Variants in RASSF4 observed in about 807,000 individuals in gnomAD.
RASSF4 encodes the protein ras association domain-containing protein 4.
Under a neutral mutation model 41.1 loss-of-function variants are expected in RASSF4, and 38 were observed. That is an observed-to-expected ratio of 0.92 (90% confidence interval 0.71 to 1.21). The LOEUF (loss-of-function observed/expected upper bound fraction) is 1.21, where lower values mean the gene tolerates loss of function less well. RASSF4 is among the 50% of genes most tolerant of loss of function. The pLI, the probability that RASSF4 is intolerant of heterozygous loss-of-function variation, is 0.00. For missense variants in RASSF4, 414 were observed against 419.4 expected, an observed-to-expected ratio of 0.99 and a Z score of 0.11; for synonymous variants, 179 against 163.4, an observed-to-expected ratio of 1.10 and a Z score of -0.73.
intron 3 of RASSF4, chr10:44,978,282 G>A: frequency 6.2e-6 from 3 of 484,578 alleles, no homozygotes; most frequent in Middle Eastern, 5.3e-4. Flanking sequence ...AATGTGCACA[G>A]ATAAGAGAAC....
At chr10:44,977,192 A>T (rs916974894) in intron 3 of RASSF4, 10 of 620,478 alleles carry the variant, frequency 1.6e-5, no homozygotes, top group Non-Finnish European at 2.4e-5. Context: ...AGCGAACGGG[A>T]TTGGTAACAT....
At chr10:44,965,544 T>C (rs1408245636) in intron 1 of RASSF4, among the ~76,000 whole-genome samples, 1 of 152,246 alleles carries the variant, frequency 6.6e-6, no homozygotes, top group Non-Finnish European at 1.5e-5. Context: ...GCCATGAAGC[T>C]AATGAGTGCT....
intron 8 of RASSF4, 62 bp from the exon 9 acceptor site, chr10:44,990,886 T>G: frequency 6.4e-7 from 1 of 1,562,124 alleles, no homozygotes; most frequent in Non-Finnish European, 8.7e-7. Flanking sequence ...CAGTTCCTAA[T>G]CTGGAACAGA....
chr10:44,984,243 C>A lies in RASSF4; in HGVS notation c.373+130C>A, dbSNP rs1307676502. ...CCAACGAGGGGCTTCACCTGCTGGA[C>A]CCCTACCCAGGTGCCTGCCTGTGAG... On this transcript the variant is annotated intron_variant, in intron 5 of 10. Coordinates refer to ENST00000340258, the MANE Select transcript of RASSF4 (RefSeq NM_032023.4). 1.9e-5 allele frequency: 17 copies of A among 889,746 alleles called. No individual in the cohort carries two copies. In the Admixed American group the frequency reaches 2.3e-4, roughly 12 times the overall value. 55.1% of individuals were successfully genotyped at this position (889,746 alleles called of 1,614,324 possible). A position where few individuals can be genotyped will look rare whatever the true frequency, so the allele number is the denominator to read the frequency against.
At chr10:44,987,485 G>A (rs895836832) in intron 6 of RASSF4, among the ~76,000 whole-genome samples, 8 of 151,984 alleles carry the variant, frequency 5.3e-5, no homozygotes, top group Non-Finnish European at 1.0e-4. Flanking sequence ...AACTAGAATC[G>A]AGCTGGGGGA....
intron 1 of RASSF4, among the ~76,000 whole-genome samples, chr10:44,966,771 C>T (rs1888983): frequency 0.56 from 85,312 of 151,914 alleles, 26,509 homozygotes; most frequent in Non-Finnish European, 0.7. Flanking sequence ...TCCAGCACCA[C>T]GTTGGTTTCA....
chr10:44,970,776 C>T (rs1841120513), intron 2 of RASSF4: 1 of 153,984 alleles, frequency 6.5e-6, no homozygotes, highest in Admixed American at 6.4e-5. Flanking sequence ...CCAGGGAGGC[C>T]TCAAGGAGCC....
chr10:44,986,178 CA>C (rs1564465674), intron 6 of RASSF4, among the ~76,000 whole-genome samples: 3 of 151,668 alleles, frequency 2.0e-5, no homozygotes, highest in African/African-American at 7.3e-5. Context: ...TGTTCCTTAC[CA>C]AAAAAAGGGT....
chr10:44,964,433 T>C (rs776095582), intron 1 of RASSF4, among the ~76,000 whole-genome samples: 6 of 152,168 alleles, frequency 3.9e-5, no homozygotes, highest in Non-Finnish European at 5.9e-5. Context: ...ATGGCACGGC[T>C]TGGAGGAGGG....
intron 1 of RASSF4, among the ~76,000 whole-genome samples, chr10:44,961,438 C>T (rs1840706794): frequency 6.6e-6 from 1 of 152,212 alleles, no homozygotes; most frequent in African/African-American, 2.4e-5. Flanking sequence ...AAAGGGGAGA[C>T]CTAACTAGGG....
intron 1 of RASSF4, among the ~76,000 whole-genome samples, chr10:44,965,934 G>A (rs1840887054): frequency 6.6e-6 from 1 of 152,188 alleles, no homozygotes; most frequent in South Asian, 2.1e-4. Context: ...TAAATAAGCA[G>A]GCGTGCAGGG....
At chr10:44,992,578 A>G (rs1375929696) in intron 10 of RASSF4, among the ~76,000 whole-genome samples, 2 of 152,162 alleles carry the variant, frequency 1.3e-5, no homozygotes, top group Non-Finnish European at 2.9e-5. Context: ...CTGTAGTCCC[A>G]ATGACGTCTC....
Position 44,984,808 on chromosome 10 carries a change from T to C in RASSF4, c.374-5T>C. ...CTGCCATTCTCTCACCCATTTCTCA[T>C]GCAGGGCCCCTGGAGGAGGCAGAGG... is the stretch of plus-strand genomic sequence containing the variant. On this transcript the variant is annotated splice_region_variant and splice_polypyrimidine_tract_variant and intron_variant, in intron 5 of 10. Transcript: ENST00000340258. 1 of 1,613,248 alleles carries C rather than the reference T, an allele frequency of 6.2e-7. No individual in the cohort carries two copies. Among genetic ancestry groups the C allele is most frequent in the Non-Finnish European group, 8.5e-7 (1 of 1,179,796 alleles).
intron 6 of RASSF4, among the ~76,000 whole-genome samples, chr10:44,986,755 T>C (rs1036680092): frequency 9.2e-5 from 14 of 152,224 alleles, no homozygotes; most frequent in Non-Finnish European, 1.9e-4. Context: ...AAAAAATAAA[T>C]AATTCCTAGC....
rs112959729 is a variant in RASSF4 at position 44,993,428 on chromosome 10, G to A, written c.*99G>A. On this transcript the variant is annotated 3_prime_UTR_variant, in exon 11 of 11. Coordinates refer to ENST00000340258, the MANE Select transcript of RASSF4 (RefSeq NM_032023.4). ...CCGGTCACATTGACTGATGGCCACC[G>A]CCTGACGAATCGAGTGCCTGTGTGT... is the stretch of plus-strand genomic sequence containing the variant. The A allele has an allele frequency of 1.2e-5, 11 of 892,088 alleles. No homozygotes were observed. Among genetic ancestry groups the A allele is most frequent in the African/African-American group, 6.6e-5 (4 of 60,738 alleles). 55.3% of individuals were successfully genotyped at this position (892,088 alleles called of 1,614,324 possible).
chr10:44,982,988 T>G (rs1841780775), intron 4 of RASSF4: 1 of 602,586 alleles, frequency 1.7e-6, no homozygotes, highest in Non-Finnish European at 3.2e-6. Context: ...TCTCGCCATC[T>G]CTTGTTCTAT....
chr10:44,985,689 C>G (rs144350616), intron 6 of RASSF4, among the ~76,000 whole-genome samples: 17 of 152,096 alleles, frequency 1.1e-4, no homozygotes, highest in African/African-American at 4.1e-4. Flanking sequence ...TCTCAGGGTC[C>G]GATCTGAAGG....
intron 6 of RASSF4, among the ~76,000 whole-genome samples, chr10:44,985,253 T>C (rs979276485): frequency 1.3e-5 from 2 of 152,202 alleles, no homozygotes; most frequent in Admixed American, 1.3e-4. Flanking sequence ...GGGCGCTTTC[T>C]AGGAGGCTTC....
In RASSF4 at chr10:44,971,909, C is replaced by A; in HGVS notation, c.138+61C>A. On this transcript the variant is annotated intron_variant, in intron 3 of 10. Transcript: ENST00000340258. ...TACCCTGGGAGGCCCTGCCTGATAC[C>A]TGTTGTTTCAGGGTAATGATGAAGA... The A allele has an allele frequency of 1.2e-5, 15 of 1,201,058 alleles. No homozygotes were observed. In the South Asian group the frequency reaches 2.0e-4, roughly 16 times the overall value. 74.4% of individuals were successfully genotyped at this position (1,201,058 alleles called of 1,614,324 possible). A position where few individuals can be genotyped will look rare whatever the true frequency, so the allele number is the denominator to read the frequency against.
Sources: allele counts gnomAD v4.1 joint callset (sites outside exome capture counted in the v4.1 genomes callset), GRCh38; gene constraint gnomAD v4.1.1; transcripts MANE v1.5; gene names NCBI Gene and HGNC (gene_info 2026-07-23, HGNC 2026-07-21).